Variants in MAML3 observed in about 807,000 individuals in gnomAD.
MAML3 encodes mastermind like transcriptional coactivator 3, also known as mastermind-like protein 3.
A neutral mutation model predicts 101.9 loss-of-function variants in MAML3; 27 were observed. That is an observed-to-expected ratio of 0.27 (90% CI 0.20 to 0.37). MAML3 has a LOEUF of 0.37. MAML3 is among the 10% of genes least tolerant of loss of function. MAML3 has a pLI of 1.00. For synonymous variants in MAML3, 501 were observed against 555.9 expected (o/e 0.90, Z 1.39); for missense variants, 1,316 against 1,444.9 (o/e 0.91, Z 1.45).
chr4:140,136,689 G>A (rs1373244764), intron 1 of MAML3, among the ~76,000 whole-genome samples: 1 of 152,330 alleles, frequency 6.6e-6, no homozygotes, highest in East Asian at 1.9e-4. Flanking sequence ...GAGGCTGGAT[G>A]GATGACTAAG....
At chr4:139,937,157 G>A (rs1195651354) in intron 1 of MAML3, among the ~76,000 whole-genome samples, 2 of 152,128 alleles carry the variant, frequency 1.3e-5, no homozygotes, top group African/African-American at 4.8e-5. Context: ...AAGTTTTATA[G>A]TGATACTTTT....
At chr4:140,074,722 T>C (rs1727739036) in intron 1 of MAML3, among the ~76,000 whole-genome samples, 1 of 152,032 alleles carries the variant, frequency 6.6e-6, no homozygotes, top group African/African-American at 2.4e-5. Context: ...AATGATTGCT[T>C]ATAGGGGCCA....
intron 2 of MAML3, among the ~76,000 whole-genome samples, chr4:139,856,651 A>G (rs1731668978): frequency 6.6e-6 from 1 of 152,228 alleles, no homozygotes; most frequent in African/African-American, 2.4e-5. Context: ...CTGAAGCCAC[A>G]CATAAGCCCT....
chr4:139,823,501 T>G (rs970381743), intron 2 of MAML3, among the ~76,000 whole-genome samples: 1 of 152,102 alleles, frequency 6.6e-6, no homozygotes, highest in Non-Finnish European at 1.5e-5. Flanking sequence ...AGCTTCTGTG[T>G]GTCTGCATGT....
intron 1 of MAML3, among the ~76,000 whole-genome samples, chr4:140,116,473 T>C (rs1385776763): frequency 6.6e-6 from 1 of 152,194 alleles, no homozygotes; most frequent in Admixed American, 6.5e-5. Flanking sequence ...GTGTCTATTC[T>C]ACTTCAGTAA....
intron 1 of MAML3, among the ~76,000 whole-genome samples, chr4:140,132,870 C>G (rs1320658907): frequency 6.6e-6 from 1 of 152,236 alleles, no homozygotes; most frequent in Non-Finnish European, 1.5e-5. Context: ...CCTCCCCCTT[C>G]CTTTCAATGA....
intron 1 of MAML3, among the ~76,000 whole-genome samples, chr4:139,905,275 G>A (rs940446323): frequency 6.6e-6 from 1 of 152,114 alleles, no homozygotes; most frequent in African/African-American, 2.4e-5. Flanking sequence ...GGTGGATCAT[G>A]AGGTCAGGAG....
At chr4:140,047,337 G>A (rs1241451724) in intron 1 of MAML3, among the ~76,000 whole-genome samples, 1 of 152,200 alleles carries the variant, frequency 6.6e-6, no homozygotes, top group Non-Finnish European at 1.5e-5. Flanking sequence ...GGGCAGCGGA[G>A]GTGGGTGTGA....
intron 2 of MAML3, among the ~76,000 whole-genome samples, chr4:139,870,244 C>T (rs1431466098): frequency 6.6e-6 from 1 of 152,160 alleles, no homozygotes; most frequent in African/African-American, 2.4e-5. Flanking sequence ...AGCAGCATCT[C>T]TGCTCTCTTA....
intron 1 of MAML3, among the ~76,000 whole-genome samples, chr4:139,990,970 T>C (rs1262483435): frequency 5.9e-5 from 9 of 152,178 alleles, no homozygotes; most frequent in Non-Finnish European, 1.2e-4. Flanking sequence ...AAAATGGTCA[T>C]ACTGCCCAAG....
rs1432716946 is a variant in MAML3 at position 139,716,924 on chromosome 4, T to G, written c.*2399A>C. On this transcript the variant is annotated 3_prime_UTR_variant, in exon 5 of 5. Coordinates refer to ENST00000509479, the MANE Select transcript of MAML3 (RefSeq NM_018717.5). ...AAAAATCTGAATAAAATGGAGCAAGTTGCCAGAGGTCATACAGTACAAATT... is the reference window on the plus strand; with the variant it reads ...AAAAATCTGAATAAAATGGAGCAAGGTGCCAGAGGTCATACAGTACAAATT... 6.6e-6 allele frequency: 1 copy of G among 152,614 alleles called. No individual in the cohort carries two copies. Among genetic ancestry groups the G allele is most frequent in the Non-Finnish European group, 1.5e-5 (1 of 68,040 alleles). 9.5% of individuals were successfully genotyped at this position (152,614 alleles called of 1,614,324 possible).
intron 1 of MAML3, among the ~76,000 whole-genome samples, chr4:140,088,636 T>C (rs1727995782): frequency 6.6e-6 from 1 of 152,150 alleles, no homozygotes; most frequent in Non-Finnish European, 1.5e-5. Flanking sequence ...TCTGAGGTGC[T>C]TTATGCACTG....
chr4:139,809,869 C>CACACACACACACACACACACACGT (rs1730766077), intron 2 of MAML3, among the ~76,000 whole-genome samples: 2 of 145,166 alleles, frequency 1.4e-5, no homozygotes, highest in African/African-American at 5.2e-5. Context: ...TGCACGTACA[C>CACACACACACACACACACACACGT]ACACACACAC....
At chr4:139,760,100 T>G (rs997704859) in intron 2 of MAML3, among the ~76,000 whole-genome samples, 1 of 152,254 alleles carries the variant, frequency 6.6e-6, no homozygotes, top group Non-Finnish European at 1.5e-5. Context: ...CCTTGGAAGC[T>G]GGCTGAAAGT....
intron 2 of MAML3, among the ~76,000 whole-genome samples, chr4:139,815,312 AT>A (rs1208623415): frequency 6.6e-6 from 1 of 152,208 alleles, no homozygotes; most frequent in African/African-American, 2.4e-5. Flanking sequence ...CAACAGGTAA[AT>A]ATGGCCTGCT....
intron 2 of MAML3, among the ~76,000 whole-genome samples, chr4:139,733,617 C>T (rs1286229168): frequency 6.6e-6 from 1 of 150,828 alleles, no homozygotes; most frequent in Non-Finnish European, 1.5e-5. Flanking sequence ...CCAAATAATT[C>T]CCTCCCAGAG....
intron 2 of MAML3, among the ~76,000 whole-genome samples, chr4:139,805,665 T>C (rs989443632): frequency 6.6e-6 from 1 of 152,202 alleles, no homozygotes; most frequent in Non-Finnish European, 1.5e-5. Flanking sequence ...AGTCAACTCT[T>C]CCCAGACCAT....
rs986544977 is a variant in MAML3 at position 139,985,997 on chromosome 4, A to G, written c.469-95030T>C. Among the ~76,000 whole-genome samples, 34 of 152,216 alleles carry G rather than the reference A, an allele frequency of 2.2e-4. 1 individual carries two copies. Among genetic ancestry groups the G allele is most frequent in the Admixed American group, 2.2e-3 (34 of 15,282 alleles). On this transcript the variant is annotated intron_variant, in intron 1 of 4. Coordinates refer to ENST00000509479, the MANE Select transcript of MAML3 (RefSeq NM_018717.5). ...TCAACTTCACTCCTGCTGGCTTCCC[A>G]AGTTCACTAGGAGCATCCTCTTTTG...
At chr4:139,730,334 G>C in intron 3 of MAML3, 82 bp downstream of exon 3, 2 of 1,245,816 alleles carry the variant, frequency 1.6e-6, no homozygotes, top group Non-Finnish European at 2.3e-6. Flanking sequence ...GATGTGAACT[G>C]CCACTTCCTC....
Sources: gnomAD v4.1 joint callset for allele counts (sites outside exome capture counted in the v4.1 genomes callset) on GRCh38, gnomAD v4.1.1 for gene constraint, MANE v1.5 for transcripts, NCBI Gene and HGNC (gene_info 2026-07-23, HGNC 2026-07-21) for gene names.